EFCAB12: variants seen among roughly 807,000 people sequenced by gnomAD.
EFCAB12 encodes EF-hand calcium binding domain 12.
In EFCAB12, 43 loss-of-function variants were observed where a neutral mutation model predicts 53.6. The ratio of observed to expected loss-of-function variants is 0.80; its 90% CI spans 0.63 to 1.03. EFCAB12 has a LOEUF of 1.03. Among genes scored for constraint, EFCAB12 ranks in the 50% least tolerant of loss-of-function variants. EFCAB12 has a pLI of 0.00. For synonymous variants in EFCAB12, 269 were observed against 289.2 expected, an observed-to-expected ratio of 0.93 and a Z score of 0.71; for missense variants, 646 against 730.6, an observed-to-expected ratio of 0.88 and a Z score of 1.34.
chr3:129,423,618 C>T (rs994491667), intron 1 of EFCAB12, among the ~76,000 whole-genome samples: 1 of 151,930 alleles, frequency 6.6e-6, no homozygotes, highest in Non-Finnish European at 1.5e-5. Flanking sequence ...AACAGAGACC[C>T]TTTTTCAAAA....
At chr3:129,424,201 A>T (rs2072222824) in intron 1 of EFCAB12, among the ~76,000 whole-genome samples, 1 of 152,200 alleles carries the variant, frequency 6.6e-6, no homozygotes, top group Non-Finnish European at 1.5e-5. Context: ...TACATTTGTT[A>T]AGTCTCTTTA....
intron 4 of EFCAB12, chr3:129,414,612 T>C (rs966490961): frequency 1.3e-5 from 2 of 152,252 alleles, no homozygotes; most frequent in African/African-American, 4.8e-5. Context: ...TAAAGAAATA[T>C]TATACAATGC....
intron 1 of EFCAB12, among the ~76,000 whole-genome samples, chr3:129,424,562 A>G (rs2072228760): frequency 6.6e-6 from 1 of 152,256 alleles, no homozygotes. Flanking sequence ...CTGTGAGTCA[A>G]TTAAACCTCA....
intron 6 of EFCAB12, 81 bp from the exon 7 acceptor site, chr3:129,404,484 G>GGT: frequency 9.5e-7 from 1 of 1,049,846 alleles, no homozygotes; most frequent in East Asian, 3.0e-5. Context: ...CAGAGGAGGT[G>GGT]TTTTTTTTTT....
In EFCAB12 at chr3:129,402,845, T is replaced by C. The variant is rs561262862; in HGVS notation, c.1404-266A>G. On this transcript the variant is annotated intron_variant, in intron 7 of 8. Transcript: ENST00000505956. ...TCACTTCCCCTTTCTCATCCTTGGT[T>C]TTCTCATGGTCCAGAATAGAGACCT... 3.8e-5 allele frequency: 17 copies of C among 453,080 alleles called. No homozygotes were observed. In the East Asian group the frequency reaches 7.5e-4, roughly 20 times the overall value. The allele number at this position is 453,080 out of a possible 1,614,324, so 28.1% of individuals were successfully genotyped here.
At chr3:129,406,771 G>A (rs983128122) in intron 6 of EFCAB12, among the ~76,000 whole-genome samples, 1 of 152,096 alleles carries the variant, frequency 6.6e-6, no homozygotes, top group African/African-American at 2.4e-5. Context: ...CCAAAGTGCT[G>A]GGATTATAGG....
chr3:129,414,340 G>GCCTC (rs1263621225), intron 4 of EFCAB12: 1 of 152,206 alleles, frequency 6.6e-6, no homozygotes, highest in Non-Finnish European at 1.5e-5. Flanking sequence ...AACTCCAACG[G>GCCTC]CCTCACCCCA....
intron 1 of EFCAB12, among the ~76,000 whole-genome samples, chr3:129,423,830 C>T (rs929671334): frequency 6.6e-6 from 1 of 152,108 alleles, no homozygotes; most frequent in African/African-American, 2.4e-5. Context: ...GCTCCTTCTG[C>T]CTTCCCTTAC....
intron 1 of EFCAB12, among the ~76,000 whole-genome samples, chr3:129,424,753 T>C (rs73202283): frequency 0.089 from 13,556 of 152,198 alleles, 685 homozygotes; most frequent in South Asian, 0.15. Flanking sequence ...AAATCAGTAT[T>C]TATTGAGAAT....
rs181506864 is a variant in EFCAB12 at position 129,404,271 on chromosome 3, C to A, written c.1382G>T (p.Gly461Val). ...NLALLRSQGP[G>V]KSKRTDKKTP... ...CAGCTTGTCAGTCCTCTTAGACTTG[C>A]CAGGGCCCTGGGACCGGAGCAGAGC... is the stretch of plus-strand genomic sequence containing the variant. The change falls in exon 7 of 9, where the codon GGC becomes GTC. Residue 461 changes from glycine (G) to valine (V), a missense_variant. Coordinates refer to ENST00000505956, the MANE Select transcript of EFCAB12 (RefSeq NM_207307.3). 1 of 1,613,548 alleles carries A rather than the reference C, an allele frequency of 6.2e-7. No individual in the cohort carries two copies. Among genetic ancestry groups the A allele is most frequent in the Non-Finnish European group, 8.5e-7 (1 of 1,179,630 alleles).
At chr3:129,418,079 T>TGCAAGAA (rs2072140569) in intron 3 of EFCAB12, among the ~76,000 whole-genome samples, 175 bp downstream of exon 3, 1 of 152,084 alleles carries the variant, frequency 6.6e-6, no homozygotes, top group Non-Finnish European at 1.5e-5. Flanking sequence ...GGCCACAAGT[T>TGCAAGAA]AATCCATATT....
intron 1 of EFCAB12, among the ~76,000 whole-genome samples, chr3:129,425,424 T>A (rs2072259384): frequency 6.6e-6 from 1 of 152,096 alleles, no homozygotes; most frequent in Non-Finnish European, 1.5e-5. Flanking sequence ...ACTCATGTGG[T>A]CCCAGCTGCT....
At chr3:129,415,163 T>C (rs2072097709) in intron 4 of EFCAB12, 82 bp downstream of exon 4, 1 of 1,451,556 alleles carries the variant, frequency 6.9e-7, no homozygotes, top group Non-Finnish European at 9.1e-7. Context: ...GAAGTGAGTT[T>C]GGAGGAGAGG....
At position 129,421,490 on chromosome 3, in the gene EFCAB12, A is replaced by T. The variant is rs779735030; in HGVS notation, c.363T>A (p.Asp121Glu). Residue 121 changes from aspartate to glutamate, a missense_variant, in exon 2 of 9, where the codon GAT becomes GAA. By Grantham distance (45) the Asp-to-Glu change is conservative. Transcript: ENST00000505956. ...GCTTGTTCTCCAGCCACCTCTTTAC[A>T]TCACCAAAGGACTCTAGCTCCTGCC... ...KLRQELESFG[D>E]VKRWLENKPS... The T allele has an allele frequency of 2.5e-6, 4 of 1,613,888 alleles. No individual in the cohort carries two copies. The African/African-American group carries it at 5.3e-5, about 22-fold the overall frequency.
At chr3:129,413,647 TA>T (rs2072075503) in intron 4 of EFCAB12, 1 of 152,214 alleles carries the variant, frequency 6.6e-6, no homozygotes, top group Non-Finnish European at 1.5e-5. Flanking sequence ...TAAAAACTCT[TA>T]GTCTGTAAGA....
intron 7 of EFCAB12, chr3:129,403,938 C>T (rs889745447): frequency 2.0e-5 from 4 of 204,176 alleles, no homozygotes; most frequent in East Asian, 1.1e-4. Context: ...TGAAGGCCCT[C>T]GCTCCAGCCC....
chr3:129,402,758 A>AC lies in EFCAB12; in HGVS notation c.1404-180_1404-179insG, dbSNP rs955301655. On this transcript the variant is annotated intron_variant, in intron 7 of 8. Transcript: ENST00000505956. Reference sequence around the variant, plus strand: ...ACTCTGTGCCTCCATGCTCCAGGGGAACACAGTGGGCTTGGGTCAGCTGGA... The same window carrying AC: ...ACTCTGTGCCTCCATGCTCCAGGGGACACACAGTGGGCTTGGGTCAGCTGGA... 2.6e-5 allele frequency: 16 copies of AC among 612,260 alleles called. No individual in the cohort carries two copies. In the African/African-American group the frequency reaches 3.0e-4, roughly 11 times the overall value. The allele number at this position is 612,260 out of a possible 1,614,324, so 37.9% of individuals were successfully genotyped here. A position where few individuals can be genotyped will look rare whatever the true frequency, so the allele number is the denominator to read the frequency against.
rs184804944 is a variant in EFCAB12, at chr3:129,413,611, T to G, written c.838+1634A>C. ...GAGACAGAGAAGCAGTCCAAGCCTCTGATAAACTCTTCCACTGTGAATCCT... is the reference window on the plus strand; with the variant it reads ...GAGACAGAGAAGCAGTCCAAGCCTCGGATAAACTCTTCCACTGTGAATCCT... On this transcript the variant is annotated intron_variant, in intron 4 of 8. Coordinates refer to ENST00000505956, the MANE Select transcript of EFCAB12 (RefSeq NM_207307.3). The G allele has an allele frequency of 1.2e-4, 19 of 152,342 alleles. 1 individual carries two copies. The East Asian group carries it at 3.5e-3, about 28-fold the overall frequency. 9.4% of individuals were successfully genotyped at this position (152,342 alleles called of 1,614,324 possible).
rs751293043 is a variant in EFCAB12, at chr3:129,428,616, A to G, written c.-128T>C. On this transcript the variant is annotated 5_prime_UTR_variant, in exon 1 of 9. Transcript: ENST00000505956. ...AAGTCGTGCGAAAGGCGCTCAGCTC[A>G]GACTGCAGAAGCAACCTGTTGCCGT... is the stretch of plus-strand genomic sequence containing the variant. 2 of 1,140,844 alleles carry G rather than the reference A, an allele frequency of 1.8e-6. No homozygotes were observed. The highest frequency in any genetic ancestry group is 1.2e-6 in the Non-Finnish European group (1 of 808,664). 70.7% of individuals were successfully genotyped at this position (1,140,844 alleles called of 1,614,324 possible).
Sources: gnomAD v4.1 joint callset for allele counts (sites outside exome capture counted in the v4.1 genomes callset) on GRCh38, gnomAD v4.1.1 for gene constraint, MANE v1.5 for transcripts, NCBI Gene and HGNC (gene_info 2026-07-23, HGNC 2026-07-21) for gene names.